Variants in SPATA21 observed in about 807,000 individuals in gnomAD.
SPATA21 encodes spermatogenesis-associated protein 21.
A neutral mutation model predicts 54.8 loss-of-function variants in SPATA21; 47 were observed. The observed-to-expected ratio is 0.86, with a 90% CI of 0.68 to 1.09. SPATA21 has a LOEUF of 1.09. Ranked by LOEUF, SPATA21 falls within the 50% of genes least tolerant of loss-of-function variation. The pLI, the probability that SPATA21 is intolerant of heterozygous loss-of-function variation, is 0.00. For missense variants in SPATA21, 599 were observed against 596.4 expected (o/e 1.00, Z -0.05); for synonymous variants, 245 against 235.3 (o/e 1.04, Z -0.38).
chr1:16,418,604 G>A lies in SPATA21; in HGVS notation c.144+2905C>T, dbSNP rs531085159. On this transcript the variant is annotated intron_variant, in intron 5 of 12. Transcript: ENST00000335496. Reference sequence around the variant, plus strand: ...TTTTTCCAAGACAGAGGCTTGCTCTGTTTCTCAGGCTGAAGTGCAGTGCCG... The same window carrying A: ...TTTTTCCAAGACAGAGGCTTGCTCTATTTCTCAGGCTGAAGTGCAGTGCCG... 1.4e-4 allele frequency among the ~76,000 whole-genome samples: 21 copies of A among 149,254 alleles called. No homozygotes were observed. In the South Asian group the frequency reaches 1.5e-3, roughly 10 times the overall value.
intron 3 of SPATA21, among the ~76,000 whole-genome samples, chr1:16,429,331 G>A (rs1451469585): frequency 1.3e-5 from 2 of 150,564 alleles, no homozygotes; most frequent in East Asian, 2.0e-4. Flanking sequence ...GGGGTCTCAC[G>A]ATGTTGCCCA....
chr1:16,414,300 C>T (rs1427235671), intron 5 of SPATA21, among the ~76,000 whole-genome samples: 1 of 152,030 alleles, frequency 6.6e-6, no homozygotes, highest in Non-Finnish European at 1.5e-5. Flanking sequence ...AATTCCTGGC[C>T]TCAAGGGATC....
Position 16,421,585 on chromosome 1 carries a change from G to A in SPATA21, c.96-28C>T, listed in dbSNP as rs1253206240. Reference sequence around the variant, plus strand: ...GAATAGAAGAGAAACCCCCAGGTGGGGGAAGCGCTCAGCTGAAGGTTTGCC... The same window carrying A: ...GAATAGAAGAGAAACCCCCAGGTGGAGGAAGCGCTCAGCTGAAGGTTTGCC... On this transcript the variant is annotated intron_variant, in intron 4 of 12. Coordinates refer to ENST00000335496, the MANE Select transcript of SPATA21 (RefSeq NM_198546.1). This position sits in a 1 kb window ranked among gnomAD's most constrained non-coding sequence, Gnocchi z 5.2. 4 of 1,608,376 alleles carry A rather than the reference G, an allele frequency of 2.5e-6. No homozygotes were observed. Among genetic ancestry groups the A allele is most frequent in the Non-Finnish European group, 2.5e-6 (3 of 1,177,460 alleles).
chr1:16,395,938 G>A (rs186784426), downstream of SPATA21: 80 of 152,814 alleles, frequency 5.2e-4, no homozygotes, highest in African/African-American at 1.8e-3. Flanking sequence ...TGTAGGCTCG[G>A]AGAGCCTGGG....
At chr1:16,429,003 ATGGGTG>A (rs1391732775) in intron 3 of SPATA21, among the ~76,000 whole-genome samples, 1 of 152,092 alleles carries the variant, frequency 6.6e-6, no homozygotes, top group East Asian at 1.9e-4. Context: ...GAAAAAATAA[ATGGGTG>A]GATGAAGGAA....
At chr1:16,414,035 C>T (rs1189195524) in intron 5 of SPATA21, among the ~76,000 whole-genome samples, 1 of 151,928 alleles carries the variant, frequency 6.6e-6, no homozygotes, top group Non-Finnish European at 1.5e-5. Flanking sequence ...TTGTTTATAG[C>T]AGTCGTCCTG....
At chr1:16,398,967 G>T in intron 12 of SPATA21, 145 bp from the exon 13 acceptor site, 3 of 895,670 alleles carry the variant, frequency 3.3e-6, no homozygotes, top group Non-Finnish European at 5.0e-6. Context: ...GTGCTTAGGG[G>T]CCTGATTCCA....
intron 10 of SPATA21, among the ~76,000 whole-genome samples, chr1:16,401,710 T>C (rs1243667085): frequency 6.6e-6 from 1 of 152,110 alleles, no homozygotes; most frequent in East Asian, 1.9e-4. Context: ...CTCCAGAAAA[T>C]CTTCTCTGTC....
intron 11 of SPATA21, 32 bp downstream of exon 11, chr1:16,400,688 C>G (rs557621687): frequency 6.3e-7 from 1 of 1,592,146 alleles, no homozygotes; most frequent in Admixed American, 1.7e-5. Context: ...AGCCCCAACC[C>G]TAGCCCATCC....
intron 3 of SPATA21, among the ~76,000 whole-genome samples, chr1:16,422,713 G>T (rs980470212): frequency 2.0e-5 from 3 of 152,002 alleles, no homozygotes; most frequent in African/African-American, 7.3e-5. Context: ...TCACTATGTT[G>T]CTCAGGCTGG....
chr1:16,423,885 CAGAA>C (rs554223077), intron 3 of SPATA21, among the ~76,000 whole-genome samples: 19 of 151,934 alleles, frequency 1.3e-4, no homozygotes, highest in African/African-American at 4.3e-4. Flanking sequence ...CGAAGCCAGA[CAGAA>C]AGAATGTACA....
chr1:16,427,222 C>G (rs1232957471), intron 3 of SPATA21, among the ~76,000 whole-genome samples: 3 of 152,014 alleles, frequency 2.0e-5, no homozygotes, highest in Non-Finnish European at 4.4e-5. Context: ...TAAATGGTTT[C>G]TATTTCCACC....
intron 11 of SPATA21, among the ~76,000 whole-genome samples, chr1:16,399,820 C>T (rs1427677753): frequency 6.6e-6 from 1 of 152,102 alleles, no homozygotes; most frequent in Non-Finnish European, 1.5e-5. Context: ...TTGGCAAAGT[C>T]TAGTAGGCAT....
rs1240304093 is a variant in SPATA21 at position 16,409,823 on chromosome 1, G to T, written c.365C>A (p.Thr122Asn). ...GGTCTGAGGCAGGCTTGGAGCTGAG[G>T]TGGGCACCGGGGTCAGGGTCCTGGG... is the stretch of plus-strand genomic sequence containing the variant. ...KSPRTLTPVP[T>N]SAPSLPQTPA... Residue 122 changes from threonine to asparagine, a missense_variant, in exon 6 of 13, where the codon ACC (threonine) becomes AAC (asparagine). By Grantham distance (65) the Thr-to-Asn change is moderately conservative. Coordinates refer to ENST00000335496, the MANE Select transcript of SPATA21 (RefSeq NM_198546.1). The surrounding 1 kb of genome is among the most constrained non-coding windows in gnomAD (Gnocchi z 4.1). The T allele has an allele frequency of 1.3e-6, 2 of 1,598,948 alleles. No homozygotes were observed. Among genetic ancestry groups the T allele is most frequent in the East Asian group, 4.5e-5 (2 of 44,796 alleles).
At chr1:16,403,483 C>CTTTTCTTTTTTTTTTTTTT (rs2085517568) in intron 10 of SPATA21, among the ~76,000 whole-genome samples, 1 of 117,118 alleles carries the variant, frequency 8.5e-6, no homozygotes. Context: ...TAGTTTTTTT[C>CTTTTCTTTTTTTTTTTTTT]TTTTTTTTCT....
At chr1:16,415,585 A>G (rs551635110) in intron 5 of SPATA21, among the ~76,000 whole-genome samples, 2 of 152,038 alleles carry the variant, frequency 1.3e-5, no homozygotes, top group African/African-American at 2.4e-5. Context: ...TTAGAGACGG[A>G]GTCTCGCTCT....
At chr1:16,424,968 G>T (rs2086281724) in intron 3 of SPATA21, 1 of 296,648 alleles carries the variant, frequency 3.4e-6, no homozygotes, top group Admixed American at 4.7e-5. Context: ...GCCCTGGTTG[G>T]AGTGCAATGG....
chr1:16,400,192 A>G (rs1408633598), intron 11 of SPATA21, among the ~76,000 whole-genome samples: 1 of 151,886 alleles, frequency 6.6e-6, no homozygotes, highest in Non-Finnish European at 1.5e-5. Flanking sequence ...ACACCTGGCT[A>G]ATTTTTTAGA....
intron 2 of SPATA21, 56 bp from the exon 3 acceptor site, chr1:16,431,478 C>A: frequency 1.3e-6 from 2 of 1,517,524 alleles, no homozygotes; most frequent in Non-Finnish European, 1.8e-6. Context: ...ACTGCTGCTT[C>A]AGGAGCCCAC....
Sources: gnomAD v4.1 joint callset for allele counts (sites outside exome capture counted in the v4.1 genomes callset) on GRCh38, gnomAD v4.1.1 for gene constraint, Gnocchi (gnomAD v3.1) non-coding constraint, MANE v1.5 for transcripts, NCBI Gene and HGNC (gene_info 2026-07-23, HGNC 2026-07-21) for gene names.